The following TSPOAP1 variants were observed in gnomAD, a reference collection of about 807,000 sequenced individuals.
TSPOAP1 encodes the protein peripheral-type benzodiazepine receptor-associated protein 1.
TSPOAP1 carries 87 observed loss-of-function variants against 197.0 expected under a neutral mutation model. The observed-to-expected ratio is 0.44, with a 90% confidence interval of 0.37 to 0.53. TSPOAP1 has a LOEUF of 0.53. Among genes scored for constraint, TSPOAP1 ranks in the 20% least tolerant of loss-of-function variants. The pLI is 0.00. For missense variants in TSPOAP1, 2,174 were observed against 2,411.3 expected, an observed-to-expected ratio of 0.90 and a Z score of 2.06; for synonymous variants, 913 against 998.9, an observed-to-expected ratio of 0.91 and a Z score of 1.62.
Position 58,324,673 on chromosome 17 carries a change from A to C in TSPOAP1, c.942+138T>G, listed in dbSNP as rs1264835790. The C allele has an allele frequency of 5.6e-6, 4 of 711,188 alleles. No individual in the cohort carries two copies. Among genetic ancestry groups the C allele is most frequent in the Non-Finnish European group, 8.2e-6 (4 of 487,682 alleles). 44.1% of individuals were successfully genotyped at this position (711,188 alleles called of 1,614,324 possible). A position where few individuals can be genotyped will look rare whatever the true frequency, so the allele number is the denominator to read the frequency against. ...GAGGTGGACCCTGCCCAGGACGGGA[A>C]AGCTCCCCAGCCCCTGGGAGTGCGC... On this transcript the variant is annotated intron_variant, in intron 5 of 31. Transcript: ENST00000343736. The surrounding 1 kb of genome is among the most constrained non-coding windows in gnomAD (Gnocchi z 5.8).
intron 12 of TSPOAP1, among the ~76,000 whole-genome samples, 170 bp from the exon 13 acceptor site, chr17:58,319,464 C>T (rs1050179410): frequency 3.3e-5 from 5 of 152,164 alleles, no homozygotes; most frequent in South Asian, 2.1e-4. Context: ...TGCATCAGAG[C>T]GGAGGGTGAA....
In TSPOAP1 at chr17:58,305,606, A is replaced by C. The variant is rs1437117003; in HGVS notation, c.5295T>G (p.Ala1765=). 6.4e-7 allele frequency: 1 copy of C among 1,561,394 alleles called. No homozygotes were observed. The highest frequency in any genetic ancestry group is 1.9e-5 in the Admixed American group (1 of 53,390). The part of the protein sequence containing the change: ...PKLVPSADLK[A]PHSMVAAFDY... ...CAAATGCAGCCACCATGGAGTGGGG[A>C]GCTTTCAGGTCAGCAGAGGGGACCA... The change falls in exon 28 of 32, where the codon GCT becomes GCG. Residue 1765 remains alanine (A), a synonymous_variant. Coordinates refer to ENST00000343736, the MANE Select transcript of TSPOAP1 (RefSeq NM_004758.4).
Position 58,328,679 on chromosome 17 carries a change from G to C in TSPOAP1, c.-759C>G, listed in dbSNP as rs1001558309. On this transcript the variant is annotated 5_prime_UTR_variant, in exon 1 of 32. Coordinates refer to ENST00000343736, the MANE Select transcript of TSPOAP1 (RefSeq NM_004758.4). This position sits in a 1 kb window ranked among gnomAD's most constrained non-coding sequence, Gnocchi z 4.3. ...GGTCCTAAGGAGGCCTGGGTCGATG[G>C]GCTGCTTGCCTCATAGTCTCAGCCC... The C allele has an allele frequency of 3.3e-5, 5 of 152,936 alleles. No homozygotes were observed. Among genetic ancestry groups the C allele is most frequent in the African/African-American group, 9.7e-5 (4 of 41,432 alleles). The allele number at this position is 152,936 out of a possible 1,614,324, so 9.5% of individuals were successfully genotyped here.
rs761760871 is a variant in TSPOAP1 at position 58,309,917 on chromosome 17, G to A, written c.3891+50C>T. The A allele has an allele frequency of 1.3e-6, 2 of 1,560,946 alleles. No homozygotes were observed. The highest frequency in any genetic ancestry group is 1.7e-6 in the Non-Finnish European group (2 of 1,152,468). Reference sequence around the variant, plus strand: ...GCACCTGCTGACACACAGTGGGGAGGCCCCGGAGTTTGAGGCCTGGGGCCC... The same window carrying A: ...GCACCTGCTGACACACAGTGGGGAGACCCCGGAGTTTGAGGCCTGGGGCCC... On this transcript the variant is annotated intron_variant, in intron 21 of 31. Transcript: ENST00000343736. The surrounding 1 kb of genome is among the most constrained non-coding windows in gnomAD (Gnocchi z 5.0).
chr17:58,301,391 G>T lies in TSPOAP1; in HGVS notation c.*1089C>A, dbSNP rs1970719003. ...AGACACACTCACCCCTCAGAGGGTGGGGGATGGAGTGGATCGGGTAACGGC... is the reference window on the plus strand; with the variant it reads ...AGACACACTCACCCCTCAGAGGGTGTGGGATGGAGTGGATCGGGTAACGGC... On this transcript the variant is annotated 3_prime_UTR_variant, in exon 32 of 32. Coordinates refer to ENST00000343736, the MANE Select transcript of TSPOAP1 (RefSeq NM_004758.4). 2 of 152,638 alleles carry T rather than the reference G, an allele frequency of 1.3e-5. No individual in the cohort carries two copies. Among genetic ancestry groups the T allele is most frequent in the African/African-American group, 4.8e-5 (2 of 41,456 alleles). The allele number at this position is 152,638 out of a possible 1,614,324, so 9.5% of individuals were successfully genotyped here.
rs1303098361 is a variant in TSPOAP1, at chr17:58,324,097, G to GAA, written c.943-553_943-552insTT. ...CTTTGGGGGAGGACAGGTCTTGATG[G>GAA]GAGGGTGCATCTCCCTTCCAGGGCC... On this transcript the variant is annotated intron_variant, in intron 5 of 31. Coordinates refer to ENST00000343736, the MANE Select transcript of TSPOAP1 (RefSeq NM_004758.4). The surrounding 1 kb of genome is among the most constrained non-coding windows in gnomAD (Gnocchi z 5.8). Among the ~76,000 whole-genome samples, 5 of 152,178 alleles carry GAA rather than the reference G, an allele frequency of 3.3e-5. No homozygotes were observed. The highest frequency in any genetic ancestry group is 1.2e-4 in the African/African-American group (5 of 41,432).
At chr17:58,311,448 T>G in intron 18 of TSPOAP1, 123 bp downstream of exon 18, 1 of 1,394,100 alleles carries the variant, frequency 7.2e-7, no homozygotes, top group African/African-American at 1.5e-5. Flanking sequence ...TTAACCCATC[T>G]GCCTCATGGT....
Position 58,316,554 on chromosome 17 carries a change from G to A in TSPOAP1, c.1873-14C>T, listed in dbSNP as rs769450456. The A allele has an allele frequency of 6.3e-7, 1 of 1,596,186 alleles. No homozygotes were observed. Among genetic ancestry groups the A allele is most frequent in the South Asian group, 1.1e-5 (1 of 89,564 alleles). ...GGCTGTGTCCACCTGGGGGCAAACA[G>A]AAAGGGCTGGTTTCTCTTCAGGGCC... On this transcript the variant is annotated splice_polypyrimidine_tract_variant and intron_variant, in intron 14 of 31. Transcript: ENST00000343736.
In TSPOAP1 at chr17:58,326,361, C is replaced by A; in HGVS notation, c.502G>T (p.Glu168Ter). The change falls in exon 3 of 32, where the codon GAG becomes TAG. Residue 168 changes from glutamate to a stop codon, truncating the protein, a stop_gained. Coordinates refer to ENST00000343736, the MANE Select transcript of TSPOAP1 (RefSeq NM_004758.4). LOFTEE classifies it high-confidence loss of function. The surrounding 1 kb of genome is among the most constrained non-coding windows in gnomAD (Gnocchi z 4.7). ...AGGCGCTTGGCAATGACCGCCAGCT[C>A]GGCGTTCTTCCTCTTCAGCCTCCGC... ...KVRRLKRKNA[E>*]LAVIAKRLEE... 1 of 1,614,074 alleles carries A rather than the reference C, an allele frequency of 6.2e-7. No individual in the cohort carries two copies.
rs567202059 is a variant in TSPOAP1, at chr17:58,302,293, C to T, written c.*187G>A. 1.6e-6 allele frequency: 2 copies of T among 1,289,690 alleles called. No homozygotes were observed. Among genetic ancestry groups the T allele is most frequent in the Admixed American group, 2.3e-5 (1 of 43,558 alleles). The allele number at this position is 1,289,690 out of a possible 1,614,324, so 79.9% of individuals were successfully genotyped here. ...TCACTCCTTCTTCCCAGAGCCCAGC[C>T]TCCTGAGGAGCTGCTTCCCCTTGGA... is the stretch of plus-strand genomic sequence containing the variant. On this transcript the variant is annotated 3_prime_UTR_variant, in exon 32 of 32. Coordinates refer to ENST00000343736, the MANE Select transcript of TSPOAP1 (RefSeq NM_004758.4).
chr17:58,322,848 GTACCC>G lies in TSPOAP1; in HGVS notation c.1195-77_1195-73del. On this transcript the variant is annotated intron_variant, in intron 8 of 31. Transcript: ENST00000343736. This position sits in a 1 kb window ranked among gnomAD's most constrained non-coding sequence, Gnocchi z 5.0. ...CACCAGCACCCTCACAGGGGGAACA[GTACCC>G]TACCCCTGCTCAGGGGTGGAGGAGA... The G allele has an allele frequency of 4.4e-6, 7 of 1,606,362 alleles. No homozygotes were observed. In the South Asian group the frequency reaches 5.5e-5, roughly 13 times the overall value.
chr17:58,305,349 G>C, intron 29 of TSPOAP1, 38 bp downstream of exon 29: 1 of 1,608,452 alleles, frequency 6.2e-7, no homozygotes, highest in Non-Finnish European at 8.5e-7. Flanking sequence ...AGTCTGGGGG[G>C]CTGGGATATG....
rs1290849237 is a variant in TSPOAP1, at chr17:58,324,533, A to T, written c.942+278T>A. On this transcript the variant is annotated intron_variant, in intron 5 of 31. Transcript: ENST00000343736. This position sits in a 1 kb window ranked among gnomAD's most constrained non-coding sequence, Gnocchi z 5.8. ...CAGGGATTTGCGGCCGGGCCGTACC[A>T]CTGGCAGCGCGGCAGGGGCGGCCGG... 6.6e-6 allele frequency among the ~76,000 whole-genome samples: 1 copy of T among 151,890 alleles called. No homozygotes were observed. Among genetic ancestry groups the T allele is most frequent in the Non-Finnish European group, 1.5e-5 (1 of 67,914 alleles).
rs1487060106 is a variant in TSPOAP1 at position 58,328,125 on chromosome 17, T to A, written c.-205A>T. 1.7e-6 allele frequency: 1 copy of A among 591,662 alleles called. No individual in the cohort carries two copies. Among genetic ancestry groups the A allele is most frequent in the East Asian group, 2.8e-5 (1 of 35,868 alleles). 36.7% of individuals were successfully genotyped at this position (591,662 alleles called of 1,614,324 possible). A position where few individuals can be genotyped will look rare whatever the true frequency, so the allele number is the denominator to read the frequency against. On this transcript the variant is annotated 5_prime_UTR_variant, in exon 1 of 32. Coordinates refer to ENST00000343736, the MANE Select transcript of TSPOAP1 (RefSeq NM_004758.4). This position sits in a 1 kb window ranked among gnomAD's most constrained non-coding sequence, Gnocchi z 4.3. ...GCTGCTGGAGCTGGAGCCAGGGGTA[T>A]GTGAGCTATGTTTGCTGGTAGCTGT...
At position 58,325,675 on chromosome 17, in the gene TSPOAP1, C is replaced by T. The variant is rs778552300; in HGVS notation, c.609G>A (p.Glu203=). Reference sequence around the variant, plus strand: ...GGCGGGCTAGGGCCTTCCGACACAACTCCAAGCTGGTCCCCGGCCGGGGCA... The same window carrying T: ...GGCGGGCTAGGGCCTTCCGACACAATTCCAAGCTGGTCCCCGGCCGGGGCA... ...APLPRPGTSL[E]LCRKALARQR... The change falls in exon 4 of 32, where the codon GAG becomes GAA. Residue 203 remains glutamate (E), a synonymous_variant. Transcript: ENST00000343736. 1.2e-6 allele frequency: 2 copies of T among 1,612,610 alleles called. No homozygotes were observed. The highest frequency in any genetic ancestry group is 1.7e-6 in the Non-Finnish European group (2 of 1,179,656).
Position 58,326,486 on chromosome 17 carries a change from C to G in TSPOAP1, c.442-65G>C. On this transcript the variant is annotated intron_variant, in intron 2 of 31. Transcript: ENST00000343736. This position sits in a 1 kb window ranked among gnomAD's most constrained non-coding sequence, Gnocchi z 4.7. ...ACCCCACAGACCCAGTCCTAACAGCCCAAGTCTTGGGCTAGAGCCCTAGGC... is the reference window on the plus strand; with the variant it reads ...ACCCCACAGACCCAGTCCTAACAGCGCAAGTCTTGGGCTAGAGCCCTAGGC... 1.3e-6 allele frequency: 2 copies of G among 1,594,856 alleles called. No homozygotes were observed.
At chr17:58,325,144 G>T (rs1043646798) in intron 4 of TSPOAP1, 142 bp from the exon 5 acceptor site, 1 of 761,994 alleles carries the variant, frequency 1.3e-6, no homozygotes, top group Non-Finnish European at 2.1e-6. Context: ...TACATGCCTG[G>T]TTACATGTGC....
At chr17:58,316,354 C>T in intron 15 of TSPOAP1, 71 bp downstream of exon 15, 11 of 1,402,188 alleles carry the variant, frequency 7.8e-6, no homozygotes, top group Non-Finnish European at 1.1e-5. Context: ...AGGTCTCCAG[C>T]TCCACCCGGC....
rs773720539 is a variant in TSPOAP1, at chr17:58,323,337, C to T, written c.1065G>A (p.Glu355=). ...GCCTCTGCTTTTTCCGGGCTTCCTG[C>T]TCCAGGCTCTCGCATTTCTTCCGCT... The part of the protein sequence containing the change: ...SKKRKKCESL[E]QEARKKQRRC... The change falls in exon 7 of 32, where the codon GAG becomes GAA. Residue 355 remains glutamate (E), a synonymous_variant. Coordinates refer to ENST00000343736, the MANE Select transcript of TSPOAP1 (RefSeq NM_004758.4). 3.1e-6 allele frequency: 5 copies of T among 1,614,244 alleles called. No individual in the cohort carries two copies. Among genetic ancestry groups the T allele is most frequent in the South Asian group, 2.2e-5 (2 of 91,092 alleles).
Sources: allele counts gnomAD v4.1 joint callset (sites outside exome capture counted in the v4.1 genomes callset), GRCh38; gene constraint gnomAD v4.1.1; non-coding constraint Gnocchi (gnomAD v3.1); transcripts MANE v1.5; gene names NCBI Gene and HGNC (gene_info 2026-07-23, HGNC 2026-07-21).